The following KALRN variants were observed in gnomAD, a reference collection of about 807,000 sequenced individuals.
The protein encoded by KALRN is kalirin.
A neutral mutation model predicts 353.7 loss-of-function variants in KALRN; 70 were observed. The ratio of observed to expected loss-of-function variants is 0.20; its 90% CI spans 0.16 to 0.24. The LOEUF is 0.24. KALRN is among the 10% of genes least tolerant of loss of function. The pLI, the probability that KALRN is intolerant of heterozygous loss-of-function variation, is 1.00. For synonymous variants in KALRN, 1,391 were observed against 1,434.8 expected, an observed-to-expected ratio of 0.97 and a Z score of 0.69; for missense variants, 2,791 against 3,756.7, an observed-to-expected ratio of 0.74 and a Z score of 6.72.
intron 1 of KALRN, among the ~76,000 whole-genome samples, chr3:124,213,350 A>G (rs2077051715): frequency 1.3e-5 from 2 of 152,108 alleles, no homozygotes; most frequent in Admixed American, 6.5e-5. Context: ...ATCATCCATT[A>G]GATTTTAAAA....
Position 124,696,251 on chromosome 3 carries a change from G to A in KALRN, c.7695G>A (p.Val2565=). Residue 2565 remains valine (V), a synonymous_variant, in exon 54 of 60, where the codon GTG becomes GTA. Coordinates refer to ENST00000682506, the MANE Select transcript of KALRN (RefSeq NM_001388419.1). The part of the protein sequence containing the change: ...GTTSTSATVK[V]QGVPAAPNRP... ...CATCAACGTCTGCAACAGTCAAAGTGCAAGGTACAGCCTCTTTGTTAGTCA... is the reference window on the plus strand; with the variant it reads ...CATCAACGTCTGCAACAGTCAAAGTACAAGGTACAGCCTCTTTGTTAGTCA... 1.9e-6 allele frequency: 3 copies of A among 1,613,846 alleles called. No individual in the cohort carries two copies. The highest frequency in any genetic ancestry group is 2.5e-6 in the Non-Finnish European group (3 of 1,179,774).
rs61485429 is a variant in KALRN at position 124,411,433 on chromosome 3, C to CTTTTTTTTTTTTTTT, written c.2347-2023_2347-2009dup. Among the ~76,000 whole-genome samples, 78 of 51,490 alleles carry CTTTTTTTTTTTTTTT rather than the reference C, an allele frequency of 1.5e-3. 23 individuals carry two copies. Among genetic ancestry groups the CTTTTTTTTTTTTTTT allele is most frequent in the Non-Finnish European group, 1.8e-3 (48 of 26,262 alleles). The allele number at this position is 51,490 out of a possible 152,430, so 33.8% of individuals were successfully genotyped here. A position where few individuals can be genotyped will look rare whatever the true frequency, so the allele number is the denominator to read the frequency against. ...AAGCCTATGTATACTTTAAATTATG[C>CTTTTTTTTTTTTTTT]TTTTTTTTTTTTTTTTTTTTTTTTT... On this transcript the variant is annotated intron_variant, in intron 13 of 59. Coordinates refer to ENST00000682506, the MANE Select transcript of KALRN (RefSeq NM_001388419.1).
intron 1 of KALRN, among the ~76,000 whole-genome samples, chr3:124,147,446 G>A (rs1180255311): frequency 6.6e-6 from 1 of 152,166 alleles, no homozygotes; most frequent in Non-Finnish European, 1.5e-5. Flanking sequence ...TGAGTAGGTG[G>A]ACCTATCCTA....
In KALRN at chr3:124,488,520, G is replaced by A. The variant is rs116221845; in HGVS notation, c.4396+205G>A. On this transcript the variant is annotated intron_variant, in intron 29 of 59. Coordinates refer to ENST00000682506, the MANE Select transcript of KALRN (RefSeq NM_001388419.1). ...AGCACCCTGCTTCTAGGAAGGACCAGGCCTAAGCCACTGGAGGTTATGTGG... is the reference window on the plus strand; with the variant it reads ...AGCACCCTGCTTCTAGGAAGGACCAAGCCTAAGCCACTGGAGGTTATGTGG... The A allele has an allele frequency of 8.0e-3, 4,372 of 547,680 alleles. 35 individuals are homozygous for A. The highest frequency in any genetic ancestry group is 0.027 in the Admixed American group (885 of 32,404). 33.9% of individuals were successfully genotyped at this position (547,680 alleles called of 1,614,324 possible). A position where few individuals can be genotyped will look rare whatever the true frequency, so the allele number is the denominator to read the frequency against.
At chr3:124,089,839 C>T (rs530845787) in intron 1 of KALRN, among the ~76,000 whole-genome samples, 2 of 152,102 alleles carry the variant, frequency 1.3e-5, no homozygotes, top group Non-Finnish European at 2.9e-5. Flanking sequence ...GAGTCATGGA[C>T]TCTGCTCCCT....
At chr3:124,439,184 T>G (rs2093583672) in intron 18 of KALRN, 147 bp downstream of exon 18, 2 of 613,910 alleles carry the variant, frequency 3.3e-6, no homozygotes, top group African/African-American at 2.5e-5. Context: ...CTCCTTCTTC[T>G]CCTTCTCTCT....
intron 34 of KALRN, among the ~76,000 whole-genome samples, chr3:124,567,130 A>G (rs1429990259): frequency 6.6e-6 from 1 of 152,160 alleles, no homozygotes; most frequent in Non-Finnish European, 1.5e-5. Context: ...CCCAGACCCC[A>G]CCTAGAACAA....
intron 9 of KALRN, among the ~76,000 whole-genome samples, chr3:124,344,037 C>T (rs370583838): frequency 8.5e-5 from 13 of 152,102 alleles, no homozygotes; most frequent in African/African-American, 1.7e-4. Context: ...TCAGAGCCAT[C>T]GATAGGTATG....
chr3:124,434,204 T>G lies in KALRN; in HGVS notation c.2830-103T>G, dbSNP rs575102373. On this transcript the variant is annotated intron_variant, in intron 16 of 59. Coordinates refer to ENST00000682506, the MANE Select transcript of KALRN (RefSeq NM_001388419.1). ...ACAAAATGGATCAGTCATTTAAAGCTCTTTAACTTCTCTGCATCTTTTCAC... is the reference window on the plus strand; with the variant it reads ...ACAAAATGGATCAGTCATTTAAAGCGCTTTAACTTCTCTGCATCTTTTCAC... The G allele has an allele frequency of 3.9e-5, 28 of 724,582 alleles. No homozygotes were observed. In the Admixed American group the frequency reaches 6.2e-4, roughly 16 times the overall value. 44.9% of individuals were successfully genotyped at this position (724,582 alleles called of 1,614,324 possible).
At chr3:124,484,528 C>T (rs2062338583) in intron 28 of KALRN, among the ~76,000 whole-genome samples, 1 of 152,136 alleles carries the variant, frequency 6.6e-6, no homozygotes, top group Non-Finnish European at 1.5e-5. Context: ...CCCCAGCTGT[C>T]CTGACAGAAC....
At chr3:124,246,488 A>G (rs991524760) in intron 3 of KALRN, among the ~76,000 whole-genome samples, 17 of 151,974 alleles carry the variant, frequency 1.1e-4, no homozygotes, top group African/African-American at 4.1e-4. Context: ...GTGATTCTTT[A>G]GTTTTGCCTC....
chr3:124,660,796 C>A lies in KALRN; in HGVS notation c.6217-127C>A, dbSNP rs367545382. On this transcript the variant is annotated intron_variant, in intron 43 of 59. Transcript: ENST00000682506. Reference sequence around the variant, plus strand: ...AATTTCATTTCTCAGCTACTCTACACCATTGCCACTTCTGCTGGGAAGGAA... The same window carrying A: ...AATTTCATTTCTCAGCTACTCTACAACATTGCCACTTCTGCTGGGAAGGAA... The A allele has an allele frequency of 6.8e-4, 464 of 686,132 alleles. 3 individuals are homozygous for A. The African/African-American group carries it at 7.2e-3, about 11-fold the overall frequency. 42.5% of individuals were successfully genotyped at this position (686,132 alleles called of 1,614,324 possible). A position where few individuals can be genotyped will look rare whatever the true frequency, so the allele number is the denominator to read the frequency against.
At chr3:124,598,733 G>C (rs2076507796) in intron 34 of KALRN, among the ~76,000 whole-genome samples, 1 of 152,162 alleles carries the variant, frequency 6.6e-6, no homozygotes, top group African/African-American at 2.4e-5. Flanking sequence ...CTGGAGTGCA[G>C]TGGCTCAATC....
At chr3:124,170,702 C>T (rs1349906801) in intron 1 of KALRN, among the ~76,000 whole-genome samples, 1 of 152,008 alleles carries the variant, frequency 6.6e-6, no homozygotes, top group African/African-American at 2.4e-5. Flanking sequence ...CTTCTTTATG[C>T]AATCAAGACT....
intron 33 of KALRN, chr3:124,505,086 G>A: frequency 2.2e-6 from 1 of 450,318 alleles, no homozygotes; most frequent in South Asian, 1.7e-5. Flanking sequence ...GATTTTACTG[G>A]AGTGTTCTGT....
chr3:124,089,243 A>AG lies in KALRN; in HGVS notation c.73+55436dup, dbSNP rs528063752. On this transcript the variant is annotated intron_variant, in intron 1 of 59. Coordinates refer to ENST00000682506, the MANE Select transcript of KALRN (RefSeq NM_001388419.1). The stretch of plus-strand genomic sequence containing the variant: ...CTGATTTTACTGGGCAGACCTGCTG[A>AG]GGGGGGCTATCTGGAAAAGTTCCTG... Among the ~76,000 whole-genome samples the AG allele has an allele frequency of 5.9e-5, 9 of 152,174 alleles. No homozygotes were observed. The East Asian group carries it at 1.7e-3, about 29-fold the overall frequency.
chr3:124,318,472 G>A (rs541273616), intron 6 of KALRN, among the ~76,000 whole-genome samples: 16 of 152,310 alleles, frequency 1.1e-4, no homozygotes, highest in Non-Finnish European at 2.2e-4. Context: ...GGTGGGATCA[G>A]CAGGTTTACA....
intron 1 of KALRN, among the ~76,000 whole-genome samples, chr3:124,177,413 G>GT (rs1299274996): frequency 4.6e-5 from 7 of 152,152 alleles, no homozygotes; most frequent in Non-Finnish European, 5.9e-5. Context: ...CTTTTCAGTT[G>GT]TTTTTTACCT....
intron 37 of KALRN, among the ~76,000 whole-genome samples, chr3:124,649,302 A>G (rs1875361): frequency 0.48 from 72,497 of 152,050 alleles, 17,623 homozygotes; most frequent in Middle Eastern, 0.61. Flanking sequence ...TGAGAGCATC[A>G]TGACAATACT....
Sources: allele counts gnomAD v4.1 joint callset (sites outside exome capture counted in the v4.1 genomes callset), GRCh38; gene constraint gnomAD v4.1.1; transcripts MANE v1.5; gene names NCBI Gene and HGNC (gene_info 2026-07-23, HGNC 2026-07-21).